SLC4A5: variants seen among roughly 807,000 people sequenced by gnomAD.
SLC4A5 encodes electrogenic sodium bicarbonate cotransporter 4.
Under a neutral mutation model 120.4 loss-of-function variants are expected in SLC4A5, and 96 were observed. The ratio of observed to expected loss-of-function variants is 0.80; its 90% CI spans 0.68 to 0.94. The LOEUF is 0.94. Ranked by LOEUF, SLC4A5 falls within the 40% of genes least tolerant of loss-of-function variation. The pLI, the probability that SLC4A5 is intolerant of heterozygous loss-of-function variation, is 0.00. For missense variants in SLC4A5, 1,259 were observed against 1,459.5 expected (o/e 0.86, Z 2.24); for synonymous variants, 550 against 571.1 (o/e 0.96, Z 0.53).
chr2:74,313,971 C>T (rs1444945133), intron 6 of SLC4A5, among the ~76,000 whole-genome samples: 4 of 152,142 alleles, frequency 2.6e-5, no homozygotes, highest in African/African-American at 7.2e-5. Flanking sequence ...GTGAACTCAT[C>T]TGTAATGTGG....
intron 5 of SLC4A5, among the ~76,000 whole-genome samples, chr2:74,321,820 G>C (rs971986617): frequency 2.0e-5 from 3 of 151,664 alleles, no homozygotes; most frequent in Admixed American, 2.0e-4. Flanking sequence ...GGCATGAGCT[G>C]GGATCTATAT....
intron 5 of SLC4A5, among the ~76,000 whole-genome samples, chr2:74,321,593 G>C (rs1160782404): frequency 6.6e-6 from 1 of 152,018 alleles, no homozygotes; most frequent in African/African-American, 2.4e-5. Context: ...TGGGTCATCT[G>C]ACAAAGGACT....
At chr2:74,226,846 G>A in intron 27 of SLC4A5, 111 bp downstream of exon 27, 1 of 1,301,828 alleles carries the variant, frequency 7.7e-7, no homozygotes, top group South Asian at 1.4e-5. Flanking sequence ...GAGGGAGCCA[G>A]GCCACAGCTG....
chr2:74,337,460 T>G (rs1320066474), intron 3 of SLC4A5, among the ~76,000 whole-genome samples: 1 of 152,172 alleles, frequency 6.6e-6, no homozygotes, highest in Non-Finnish European at 1.5e-5. Context: ...CTGACTGGGA[T>G]TAAGGGTCAG....
intron 7 of SLC4A5, among the ~76,000 whole-genome samples, chr2:74,298,371 G>T (rs1672389692): frequency 6.6e-6 from 1 of 152,148 alleles, no homozygotes; most frequent in Non-Finnish European, 1.5e-5. Context: ...ATATCCACGT[G>T]CAGAAGAATA....
intron 8 of SLC4A5, among the ~76,000 whole-genome samples, chr2:74,275,598 G>A (rs1003621810): frequency 4.7e-5 from 7 of 148,862 alleles, no homozygotes; most frequent in African/African-American, 1.8e-4. Flanking sequence ...CTCCTTCCCA[G>A]TTGGGAAGAC....
At chr2:74,277,909 A>T (rs1671694957) in intron 8 of SLC4A5, among the ~76,000 whole-genome samples, 1 of 151,576 alleles carries the variant, frequency 6.6e-6, no homozygotes, top group Admixed American at 6.6e-5. Context: ...CCCCAGCAAA[A>T]GCAAACAACA....
intron 3 of SLC4A5, among the ~76,000 whole-genome samples, chr2:74,337,536 T>C (rs1269760572): frequency 2.0e-5 from 3 of 152,212 alleles, no homozygotes; most frequent in Non-Finnish European, 2.9e-5. Flanking sequence ...CTAATTTTTT[T>C]ACACACTTGA....
chr2:74,331,389 G>T (rs1006803268), intron 4 of SLC4A5, among the ~76,000 whole-genome samples: 3 of 151,690 alleles, frequency 2.0e-5, no homozygotes, highest in African/African-American at 7.3e-5. Flanking sequence ...GTGGATGAGG[G>T]TGTGATGTGT....
intron 12 of SLC4A5, among the ~76,000 whole-genome samples, 175 bp downstream of exon 12, chr2:74,259,413 C>A (rs1671067069): frequency 1.3e-5 from 2 of 152,204 alleles, no homozygotes; most frequent in Non-Finnish European, 2.9e-5. Context: ...CATTCCCCGA[C>A]TACTGGCCTT....
intron 22 of SLC4A5, among the ~76,000 whole-genome samples, 190 bp from the exon 23 acceptor site, chr2:74,233,753 GCAGA>G (rs1257441890): frequency 6.6e-6 from 1 of 152,226 alleles, no homozygotes; most frequent in East Asian, 1.9e-4. Flanking sequence ...GAGCATGCAT[GCAGA>G]CAGTGTCTGT....
intron 6 of SLC4A5, among the ~76,000 whole-genome samples, chr2:74,312,799 G>C (rs781206989): frequency 1.3e-5 from 2 of 152,018 alleles, no homozygotes; most frequent in East Asian, 1.9e-4. Context: ...CCAGCGTGGT[G>C]GTGGGCACCT....
chr2:74,298,765 G>A (rs1319584260), intron 7 of SLC4A5, among the ~76,000 whole-genome samples: 1 of 152,158 alleles, frequency 6.6e-6, no homozygotes, highest in East Asian at 1.9e-4. Context: ...GGCAAAGGAA[G>A]CCAGATACAG....
At chr2:74,295,154 G>A (rs1672289802) in intron 7 of SLC4A5, among the ~76,000 whole-genome samples, 2 of 151,814 alleles carry the variant, frequency 1.3e-5, no homozygotes, top group South Asian at 4.2e-4. Flanking sequence ...AGGGGGCGCT[G>A]AGGAGAGGGG....
intron 7 of SLC4A5, among the ~76,000 whole-genome samples, chr2:74,288,802 C>T (rs895940292): frequency 1.3e-5 from 2 of 152,176 alleles, no homozygotes; most frequent in African/African-American, 4.8e-5. Context: ...AAGTCAACCT[C>T]AACATATTCA....
At chr2:74,303,267 G>A (rs998361920) in intron 7 of SLC4A5, among the ~76,000 whole-genome samples, 1 of 152,096 alleles carries the variant, frequency 6.6e-6, no homozygotes, top group African/African-American at 2.4e-5. Flanking sequence ...CAATGATGGG[G>A]GTTGTAGAGG....
chr2:74,314,950 T>C (rs1672917590), exon 6 of SLC4A5: 2 of 1,613,780 alleles, frequency 1.2e-6, no homozygotes, highest in Non-Finnish European at 8.5e-7. Context: ...CTCACCTTTC[T>C]GATCCGGAAA....
At chr2:74,311,263 T>C (rs1229950940) in intron 6 of SLC4A5, among the ~76,000 whole-genome samples, 1 of 152,170 alleles carries the variant, frequency 6.6e-6, no homozygotes, top group Non-Finnish European at 1.5e-5. Context: ...TCAGTTTCAT[T>C]GATTTTCTCT....
chr2:74,314,662 TG>T (rs1417833884), intron 6 of SLC4A5, among the ~76,000 whole-genome samples: 3 of 152,236 alleles, frequency 2.0e-5, no homozygotes, highest in African/African-American at 7.2e-5. Context: ...GCATTTATTA[TG>T]GTTTGCAGAT....
Sources: gnomAD v4.1 joint callset for allele counts (sites outside exome capture counted in the v4.1 genomes callset) on GRCh38, gnomAD v4.1.1 for gene constraint, MANE v1.5 for transcripts, NCBI Gene and HGNC (gene_info 2026-07-23, HGNC 2026-07-21) for gene names.